The following SBNO2 variants were observed in gnomAD, a reference collection of about 807,000 sequenced individuals.
SBNO2 encodes strawberry notch homolog 2.
Under a neutral mutation model 146.3 loss-of-function variants are expected in SBNO2, and 89 were observed. That is an observed-to-expected ratio of 0.61 (90% CI 0.51 to 0.73). The LOEUF (loss-of-function observed/expected upper bound fraction) is 0.73. Among genes scored for constraint, SBNO2 ranks in the 30% least tolerant of loss-of-function variants. SBNO2 has a pLI of 0.00. For synonymous variants in SBNO2, 1,147 were observed against 892.6 expected, an observed-to-expected ratio of 1.29 and a Z score of -5.08; for missense variants, 2,092 against 2,003.7, an observed-to-expected ratio of 1.04 and a Z score of -0.84.
In SBNO2 at chr19:1,127,682, G is replaced by A. The variant is rs762034177; in HGVS notation, c.363C>T (p.Pro121=). ...TGAGGCTGTCAGCCGGCAGGAAGTC[G>A]GGCGTGTCCACGATGTCCGACAGGG... ...VDSLSDIVDT[P]DFLPADSLNQ... The change falls in exon 5 of 32, where the codon CCC becomes CCT. Residue 121 remains proline (P), a synonymous_variant. Transcript: ENST00000361757. 46 of 1,613,454 alleles carry A rather than the reference G, an allele frequency of 2.9e-5. No individual in the cohort carries two copies. Among genetic ancestry groups the A allele is most frequent in the Admixed American group, 5.0e-5 (3 of 59,994 alleles).
At position 1,127,776 on chromosome 19, in the gene SBNO2, A is replaced by G; in HGVS notation, c.280-11T>C. On this transcript the variant is annotated splice_polypyrimidine_tract_variant and intron_variant, in intron 4 of 31. Transcript: ENST00000361757. Reference sequence around the variant, plus strand: ...AAAATAGGAGGAGTCCTGGAAGACAAGGCCAGGCCCGGTGAGGGTGGTACG... The same window carrying G: ...AAAATAGGAGGAGTCCTGGAAGACAGGGCCAGGCCCGGTGAGGGTGGTACG... The G allele has an allele frequency of 2.5e-6, 4 of 1,612,030 alleles. No individual in the cohort carries two copies. Among genetic ancestry groups the G allele is most frequent in the East Asian group, 4.5e-5 (2 of 44,834 alleles).
In SBNO2 at chr19:1,173,728, G is replaced by A. The variant is rs986350548; in HGVS notation, c.-127+444C>T. On this transcript the variant is annotated intron_variant, in intron 1 of 31. Coordinates refer to ENST00000361757, the MANE Select transcript of SBNO2 (RefSeq NM_014963.3). The surrounding 1 kb of genome is among the most constrained non-coding windows in gnomAD (Gnocchi z 4.7). ...CAAAAGGGAAGGCCAGGATACCGAG[G>A]AAAAGCGGGTGCGGGGTCACCAAGG... The A allele has an allele frequency of 6.6e-6, 1 of 152,336 alleles. No homozygotes were observed. The highest frequency in any genetic ancestry group is 1.5e-5 in the Non-Finnish European group (1 of 68,202). 9.4% of individuals were successfully genotyped at this position (152,336 alleles called of 1,614,324 possible). A position where few individuals can be genotyped will look rare whatever the true frequency, so the allele number is the denominator to read the frequency against.
At position 1,108,027 on chromosome 19, in the gene SBNO2, G is replaced by T; in HGVS notation, c.*193C>A. On this transcript the variant is annotated 3_prime_UTR_variant, in exon 32 of 32. Transcript: ENST00000361757. ...CACAGAGAGGGCCCTGCCACGCCCC[G>T]GCCCCCAGCTGTCCTGAGTGGGCCC... 1 of 454,832 alleles carries T rather than the reference G, an allele frequency of 2.2e-6. No homozygotes were observed. Among genetic ancestry groups the T allele is most frequent in the Admixed American group, 4.8e-5 (1 of 20,904 alleles). 28.2% of individuals were successfully genotyped at this position (454,832 alleles called of 1,614,324 possible). A position where few individuals can be genotyped will look rare whatever the true frequency, so the allele number is the denominator to read the frequency against.
chr19:1,111,860 A>T, intron 23 of SBNO2, 136 bp downstream of exon 23: 1 of 885,112 alleles, frequency 1.1e-6, no homozygotes, highest in Non-Finnish European at 1.7e-6. Context: ...TGGGGGTCCT[A>T]GACCCGGCCC....
At chr19:1,138,452 T>G (rs1004898527) in intron 4 of SBNO2, among the ~76,000 whole-genome samples, 1 of 152,018 alleles carries the variant, frequency 6.6e-6, no homozygotes, top group East Asian at 1.9e-4. Context: ...CACACAGACA[T>G]GGACCTGCAT....
In SBNO2 at chr19:1,117,435, G is replaced by A. The variant is rs748615848; in HGVS notation, c.1592C>T (p.Ser531Phe). Reference protein sequence around the residue: ...ADWIGLESRKSLWGQFWSAHQ... With the variant: ...ADWIGLESRKFLWGQFWSAHQ... Reference sequence around the variant, plus strand: ...TGCCGACCAGAACTGGCCCCACAGGGACTTGCGCGACTCCAGGCCGATCCA... The same window carrying A: ...TGCCGACCAGAACTGGCCCCACAGGAACTTGCGCGACTCCAGGCCGATCCA... Residue 531 changes from serine (S) to phenylalanine (F), a missense_variant, in exon 15 of 32, where the codon TCC (serine) becomes TTC (phenylalanine). Coordinates refer to ENST00000361757, the MANE Select transcript of SBNO2 (RefSeq NM_014963.3). The A allele has an allele frequency of 6.3e-7, 1 of 1,589,604 alleles. No homozygotes were observed. Among genetic ancestry groups the A allele is most frequent in the East Asian group, 2.3e-5 (1 of 43,250 alleles).
In SBNO2 at chr19:1,111,526, C is replaced by G. The variant is rs1467046394; in HGVS notation, c.2789G>C (p.Gly930Ala). The G allele has an allele frequency of 7.6e-6, 12 of 1,585,990 alleles. No individual in the cohort carries two copies. The part of the protein sequence containing the change: ...KVPVPQGYPG[G>A]VPTFFRDMKQ... ...CTTACCCCGGAAGAAGGTGGGGACC[C>G]CTCCAGGGTATCCCTGGGGCACAGG... The change falls in exon 24 of 32, where the codon GGG (glycine) becomes GCG (alanine). Residue 930 changes from glycine (G) to alanine (A), a missense_variant. Gly to Ala is a moderately conservative substitution (Grantham distance 60). Coordinates refer to ENST00000361757, the MANE Select transcript of SBNO2 (RefSeq NM_014963.3).
At chr19:1,162,584 C>T (rs984140936) in intron 1 of SBNO2, among the ~76,000 whole-genome samples, 1 of 152,062 alleles carries the variant, frequency 6.6e-6, no homozygotes, top group Non-Finnish European at 1.5e-5. Flanking sequence ...CCCGGAGGGA[C>T]CAGCTGACAT....
intron 14 of SBNO2, among the ~76,000 whole-genome samples, chr19:1,118,374 G>C (rs938535326): frequency 1.3e-5 from 2 of 152,082 alleles, no homozygotes; most frequent in South Asian, 4.1e-4. Context: ...GAACATACAG[G>C]GCTGTTGGGC....
intron 1 of SBNO2, among the ~76,000 whole-genome samples, chr19:1,160,417 C>G (rs561280873): frequency 6.6e-6 from 1 of 152,310 alleles, no homozygotes; most frequent in Admixed American, 6.5e-5. Flanking sequence ...ATTACAATGG[C>G]GGCCGCCTGG....
chr19:1,145,512 A>T (rs1359449268), intron 4 of SBNO2, among the ~76,000 whole-genome samples: 2 of 151,368 alleles, frequency 1.3e-5, no homozygotes, highest in African/African-American at 4.8e-5. Flanking sequence ...GAAAGAGAGA[A>T]GGAACACACA....
rs1002302313 is a variant in SBNO2, at chr19:1,140,979, G to T, written c.279+6330C>A. Among the ~76,000 whole-genome samples the T allele has an allele frequency of 1.8e-4, 28 of 152,116 alleles. 1 individual carries two copies. Among genetic ancestry groups the T allele is most frequent in the African/African-American group, 6.3e-4 (26 of 41,424 alleles). On this transcript the variant is annotated intron_variant, in intron 4 of 31. Coordinates refer to ENST00000361757, the MANE Select transcript of SBNO2 (RefSeq NM_014963.3). The surrounding 1 kb of genome is among the most constrained non-coding windows in gnomAD (Gnocchi z 4.4). Reference sequence around the variant, plus strand: ...GGAGACAACCCCAGACAAAACCAACGGAGAGGCACTCTGGAGAAGACACAC... The same window carrying T: ...GGAGACAACCCCAGACAAAACCAACTGAGAGGCACTCTGGAGAAGACACAC...
At chr19:1,171,361 A>C (rs751734416) in intron 1 of SBNO2, among the ~76,000 whole-genome samples, 16 of 151,206 alleles carry the variant, frequency 1.1e-4, no homozygotes, top group Non-Finnish European at 2.2e-4. Flanking sequence ...ACAGGCACAC[A>C]ACACACATGT....
rs114177602 is a variant in SBNO2 at position 1,123,236 on chromosome 19, C to T, written c.629-191G>A. ...GGGTGGAGGAGTGGTCAGGGCTGGC[C>T]GGGTCGGGGGTGTGGCCGCGGCCTG... On this transcript the variant is annotated intron_variant, in intron 7 of 31. Transcript: ENST00000361757. 2.0e-3 allele frequency among the ~76,000 whole-genome samples: 296 copies of T among 151,600 alleles called. 1 individual carries two copies. Among genetic ancestry groups the T allele is most frequent in the African/African-American group, 6.7e-3 (278 of 41,316 alleles).
chr19:1,147,511 GC>G, intron 3 of SBNO2, 91 bp from the exon 4 acceptor site: 1 of 670,016 alleles, frequency 1.5e-6, no homozygotes, highest in South Asian at 2.2e-5. Flanking sequence ...GCAGCCAGAG[GC>G]CCCTCGAGGC....
intron 1 of SBNO2, among the ~76,000 whole-genome samples, chr19:1,165,571 G>C (rs1224623636): frequency 6.6e-6 from 1 of 151,800 alleles, no homozygotes; most frequent in African/African-American, 2.4e-5. Context: ...CACATCTGGG[G>C]AACCAGACCC....
rs1273926314 is a variant in SBNO2 at position 1,111,977 on chromosome 19, C to G, written c.2700+19G>C. 4 of 1,609,330 alleles carry G rather than the reference C, an allele frequency of 2.5e-6. No homozygotes were observed. Among genetic ancestry groups the G allele is most frequent in the Non-Finnish European group, 3.4e-6 (4 of 1,178,710 alleles). ...CCCTGCCCCTGCCCCGCCCCCCAACCCTGCCTTCCCTGCAGTACCTTGTTC... is the reference window on the plus strand; with the variant it reads ...CCCTGCCCCTGCCCCGCCCCCCAACGCTGCCTTCCCTGCAGTACCTTGTTC... On this transcript the variant is annotated intron_variant, in intron 23 of 31. Transcript: ENST00000361757.
intron 4 of SBNO2, among the ~76,000 whole-genome samples, chr19:1,146,596 C>T (rs757905304): frequency 3.3e-5 from 5 of 151,798 alleles, no homozygotes; most frequent in African/African-American, 4.9e-5. Flanking sequence ...CCCCTGGCCC[C>T]GGGTCCCACA....
rs780708208 is a variant in SBNO2, at chr19:1,111,005, T to TCCAC, written c.2884+13_2884+14insGTGG. On this transcript the variant is annotated intron_variant, in intron 25 of 31. Transcript: ENST00000361757. The stretch of plus-strand genomic sequence containing the variant: ...AGACAGGAGCGCCTCTGGGCCTGGG[T>TCCAC]GTGGGGCACTCACCCTTCTCCACGT... The TCCAC allele has an allele frequency of 1.9e-6, 3 of 1,596,414 alleles. No homozygotes were observed. Among genetic ancestry groups the TCCAC allele is most frequent in the Non-Finnish European group, 2.6e-6 (3 of 1,172,124 alleles).
Sources: gnomAD v4.1 joint callset for allele counts (sites outside exome capture counted in the v4.1 genomes callset) on GRCh38, gnomAD v4.1.1 for gene constraint, Gnocchi (gnomAD v3.1) non-coding constraint, MANE v1.5 for transcripts, NCBI Gene and HGNC (gene_info 2026-07-23, HGNC 2026-07-21) for gene names.